Variants in GLI3 observed in about 807,000 individuals in gnomAD.
The protein encoded by GLI3 is transcription activator GLI3.
GLI3 carries 20 observed loss-of-function variants against 100.8 expected under a neutral mutation model. That is an observed-to-expected ratio of 0.20 (90% CI 0.14 to 0.29). GLI3 has a LOEUF of 0.29. GLI3 is among the 10% of genes least tolerant of loss of function. The pLI is 1.00. For synonymous variants in GLI3, 938 were observed against 860.5 expected (o/e 1.09, Z -1.58); for missense variants, 2,040 against 2,128.5 (o/e 0.96, Z 0.82).
In GLI3 at chr7:42,202,650, A is replaced by G. The variant is rs532751123; in HGVS notation, c.124+20480T>C. 3.9e-5 allele frequency among the ~76,000 whole-genome samples: 6 copies of G among 152,344 alleles called. No individual in the cohort carries two copies. The South Asian group carries it at 1.2e-3, about 32-fold the overall frequency. ...GCTAAGTGCCCTCACAAGCATGCAC[A>G]TCACCAGGCTGATGGGCTGAGAGCA... On this transcript the variant is annotated intron_variant, in intron 2 of 14. Transcript: ENST00000395925.
At chr7:42,066,544 T>C (rs529626743) in intron 4 of GLI3, among the ~76,000 whole-genome samples, 1 of 152,272 alleles carries the variant, frequency 6.6e-6, no homozygotes, top group African/African-American at 2.4e-5. Flanking sequence ...CCTTTGGAAG[T>C]GTACCCACCT....
chr7:42,045,068 G>C (rs1295432931), intron 6 of GLI3, among the ~76,000 whole-genome samples: 1 of 152,146 alleles, frequency 6.6e-6, no homozygotes, highest in East Asian at 1.9e-4. Flanking sequence ...TTAATTTTTT[G>C]TAGAGATAGA....
chr7:42,114,318 TAGA>T (rs1785792663), intron 3 of GLI3, among the ~76,000 whole-genome samples: 2 of 152,156 alleles, frequency 1.3e-5, no homozygotes, highest in African/African-American at 4.8e-5. Flanking sequence ...TGGTAGTCCA[TAGA>T]AGAAGGGAGT....
At chr7:41,984,713 G>A (rs976362715) in intron 10 of GLI3, among the ~76,000 whole-genome samples, 1 of 152,188 alleles carries the variant, frequency 6.6e-6, no homozygotes, top group Non-Finnish European at 1.5e-5. Flanking sequence ...CGAAGCTTCA[G>A]GCTCAACCCT....
chr7:42,050,023 C>T (rs1203043753), intron 4 of GLI3, among the ~76,000 whole-genome samples: 3 of 152,172 alleles, frequency 2.0e-5, no homozygotes, highest in Non-Finnish European at 4.4e-5. Context: ...TTGGTAAAAG[C>T]CAGCTCCACT....
intron 5 of GLI3, 134 bp downstream of exon 5, chr7:42,048,357 T>G: frequency 1.4e-6 from 1 of 738,132 alleles, no homozygotes; most frequent in Non-Finnish European, 2.5e-6. Context: ...CAATCATGCA[T>G]GTAAGGCACA....
At chr7:42,197,313 A>G (rs965871926) in intron 2 of GLI3, among the ~76,000 whole-genome samples, 1 of 152,168 alleles carries the variant, frequency 6.6e-6, no homozygotes, top group Non-Finnish European at 1.5e-5. Context: ...TATTTAATAC[A>G]CCAATACCAA....
At chr7:42,120,262 T>C (rs1401927872) in intron 3 of GLI3, among the ~76,000 whole-genome samples, 1 of 152,220 alleles carries the variant, frequency 6.6e-6, no homozygotes, top group African/African-American at 2.4e-5. Flanking sequence ...CTTTGTTTAA[T>C]CGAGAAATCT....
At chr7:42,120,947 G>T (rs1785982731) in intron 3 of GLI3, among the ~76,000 whole-genome samples, 1 of 152,164 alleles carries the variant, frequency 6.6e-6, no homozygotes, top group South Asian at 2.1e-4. Flanking sequence ...TAAAATGACA[G>T]GCTCAGAAAG....
intron 2 of GLI3, among the ~76,000 whole-genome samples, chr7:42,169,509 T>C (rs558045588): frequency 1.3e-5 from 2 of 152,348 alleles, no homozygotes; most frequent in East Asian, 3.9e-4. Flanking sequence ...CAGGATAGCA[T>C]TGGTGCATGT....
Position 42,186,078 on chromosome 7 carries a change from A to C in GLI3, c.124+37052T>G, listed in dbSNP as rs193108047. On this transcript the variant is annotated intron_variant, in intron 2 of 14. Transcript: ENST00000395925. Reference sequence around the variant, plus strand: ...ACACAGCCTTAAAACGTGGCTCAGCATATGAGAACCAAATAGCGAACTTAC... The same window carrying C: ...ACACAGCCTTAAAACGTGGCTCAGCCTATGAGAACCAAATAGCGAACTTAC... Among the ~76,000 whole-genome samples the C allele has an allele frequency of 9.8e-5, 15 of 152,330 alleles. No individual in the cohort carries two copies. The East Asian group carries it at 2.9e-3, about 29-fold the overall frequency.
At chr7:42,120,444 C>T (rs1028255973) in intron 3 of GLI3, among the ~76,000 whole-genome samples, 3 of 152,156 alleles carry the variant, frequency 2.0e-5, no homozygotes, top group African/African-American at 7.2e-5. Flanking sequence ...ACTGAACTCC[C>T]AGCTGGGAAG....
intron 4 of GLI3, among the ~76,000 whole-genome samples, chr7:42,062,294 G>T (rs1784584896): frequency 6.6e-6 from 1 of 152,162 alleles, no homozygotes; most frequent in Non-Finnish European, 1.5e-5. Context: ...TCTGTTGCTT[G>T]AATACACTTT....
At chr7:41,968,465 C>T (rs1787247537) in intron 13 of GLI3, among the ~76,000 whole-genome samples, 1 of 152,010 alleles carries the variant, frequency 6.6e-6, no homozygotes, top group South Asian at 2.1e-4. Context: ...TCAGCTGAAA[C>T]ATAAATGTAA....
chr7:41,982,261 T>C (rs996329383), intron 10 of GLI3, among the ~76,000 whole-genome samples: 1 of 152,168 alleles, frequency 6.6e-6, no homozygotes, highest in African/African-American at 2.4e-5. Flanking sequence ...ATGTAATCAA[T>C]TGCTATAAGG....
chr7:42,182,717 T>TACACACACAC (rs66997611), intron 2 of GLI3, among the ~76,000 whole-genome samples: 16 of 118,706 alleles, frequency 1.3e-4, no homozygotes, highest in African/African-American at 4.0e-4. Context: ...CACATATAAA[T>TACACACACAC]ACACACACAC....
chr7:42,051,824 G>A (rs545069800), intron 4 of GLI3, among the ~76,000 whole-genome samples: 25 of 151,816 alleles, frequency 1.6e-4, no homozygotes, highest in Admixed American at 1.4e-3. Context: ...CATTTGTTAC[G>A]AGTGATGAGC....
chr7:42,184,302 C>T (rs755122727), intron 2 of GLI3, among the ~76,000 whole-genome samples: 7 of 152,194 alleles, frequency 4.6e-5, no homozygotes, highest in Admixed American at 1.3e-4. Context: ...TCTGCGCTGC[C>T]GTTCCCTGAC....
Position 42,223,279 on chromosome 7 carries a change from C to T in GLI3, c.-26G>A, listed in dbSNP as rs763770163. On this transcript the variant is annotated 5_prime_UTR_variant, in exon 2 of 15. Transcript: ENST00000395925. Reference sequence around the variant, plus strand: ...GATGTCTTCTCATTACTTCAGCTCTCTTCGACCAAAAATGCCCTAAAGAAA... The same window carrying T: ...GATGTCTTCTCATTACTTCAGCTCTTTTCGACCAAAAATGCCCTAAAGAAA... 1 of 1,608,048 alleles carries T rather than the reference C, an allele frequency of 6.2e-7. No individual in the cohort carries two copies. Among genetic ancestry groups the T allele is most frequent in the Admixed American group, 1.7e-5 (1 of 59,878 alleles).
Sources: gnomAD v4.1 joint callset for allele counts (sites outside exome capture counted in the v4.1 genomes callset) on GRCh38, gnomAD v4.1.1 for gene constraint, MANE v1.5 for transcripts, NCBI Gene and HGNC (gene_info 2026-07-23, HGNC 2026-07-21) for gene names.